Variants in XPC observed in about 807,000 individuals in gnomAD.
XPC encodes the protein DNA repair protein complementing XP-C cells.
In XPC, 76 loss-of-function variants were observed where a neutral mutation model predicts 95.8. That is an observed-to-expected ratio of 0.79 (90% CI 0.66 to 0.96). XPC has a LOEUF of 0.96. Among genes scored for constraint, XPC ranks in the 40% least tolerant of loss-of-function variants. The pLI, the probability that XPC is intolerant of heterozygous loss-of-function variation, is 0.00. For synonymous variants in XPC, 442 were observed against 442.1 expected, an observed-to-expected ratio of 1.00 and a Z score of 0.00; for missense variants, 1,146 against 1,179.8, an observed-to-expected ratio of 0.97 and a Z score of 0.42.
chr3:14,148,954 C>A lies in XPC; in HGVS notation c.2116-6G>T, dbSNP rs1280516675. 2.5e-6 allele frequency: 4 copies of A among 1,613,814 alleles called. No homozygotes were observed. Among genetic ancestry groups the A allele is most frequent in the East Asian group, 2.2e-5 (1 of 44,902 alleles). On this transcript the variant is annotated splice_polypyrimidine_tract_variant and splice_region_variant and intron_variant, in intron 11 of 15. Transcript: ENST00000285021. ...TTAGAAAAGCCTTTCACCATCTGCA[C>A]CAGAGGACACGGCCACCGTTTACAA... is the stretch of plus-strand genomic sequence containing the variant.
chr3:14,158,800 CTTTGG>C lies in XPC; in HGVS notation c.1078_1082del (p.Pro360AspfsTer13). 1 of 1,613,920 alleles carries C rather than the reference CTTTGG, an allele frequency of 6.2e-7. No homozygotes were observed. The highest frequency in any genetic ancestry group is 8.5e-7 in the Non-Finnish European group (1 of 1,179,884). On this transcript the variant is annotated frameshift_variant, in exon 9 of 16. Transcript: ENST00000285021. LOFTEE classifies it high-confidence loss of function. This position sits in a 1 kb window ranked among gnomAD's most constrained non-coding sequence, Gnocchi z 5.2. ...CCTCTTGTTTGGTTCCTTTGCTGGT[CTTTGG>C]TTTGGTGTGGTTTTCTAGAACTTGG...
At position 14,145,791 on chromosome 3, in the gene XPC, TC is replaced by T; in HGVS notation, c.*149del. On this transcript the variant is annotated 3_prime_UTR_variant, in exon 16 of 16. Coordinates refer to ENST00000285021, the MANE Select transcript of XPC (RefSeq NM_004628.5). ...AGCACCTCCTCAGCTTGGCCTCGTC[TC>T]CCCTGACCCCGCCTCCGTGCATGCT... 1 of 977,688 alleles carries T rather than the reference TC, an allele frequency of 1.0e-6. No individual in the cohort carries two copies. Among genetic ancestry groups the T allele is most frequent in the Non-Finnish European group, 1.6e-6 (1 of 637,430 alleles). 60.6% of individuals were successfully genotyped at this position (977,688 alleles called of 1,614,324 possible).
At chr3:14,163,673 G>A (rs942788872) in intron 7 of XPC, among the ~76,000 whole-genome samples, 1 of 152,292 alleles carries the variant, frequency 6.6e-6, no homozygotes. Flanking sequence ...TGGAAATAGA[G>A]GTGGTAGTTG....
At chr3:14,161,541 T>G (rs1396589395) in intron 7 of XPC, among the ~76,000 whole-genome samples, 3 of 146,928 alleles carry the variant, frequency 2.0e-5, no homozygotes, top group Non-Finnish European at 3.0e-5. Flanking sequence ...TAAATATACA[T>G]TAATAGAATG....
At position 14,145,991 on chromosome 3, in the gene XPC, T is replaced by A. The variant is rs2125004659; in HGVS notation, c.2773A>T (p.Arg925Trp). 2 of 1,609,762 alleles carry A rather than the reference T, an allele frequency of 1.2e-6. No homozygotes were observed. The highest frequency in any genetic ancestry group is 1.1e-5 in the South Asian group (1 of 90,890). Reference sequence around the variant, plus strand: ...TGGGAAGCTGCTGCTTTCTTTTCCCTTTTGGTCTTCTTGGGCCCACCCTTC... The same window carrying A: ...TGGGAAGCTGCTGCTTTCTTTTCCCATTTGGTCTTCTTGGGCCCACCCTTC... Reference protein sequence around the residue: ...KLKGGPKKTKREKKAAASHLF... With the variant: ...KLKGGPKKTKWEKKAAASHLF... The change falls in exon 16 of 16, where the codon AGG becomes TGG. Residue 925 changes from arginine to tryptophan, a missense_variant. Arg to Trp is a moderately radical substitution (Grantham distance 101, BLOSUM62 -3). Coordinates refer to ENST00000285021, the MANE Select transcript of XPC (RefSeq NM_004628.5).
At chr3:14,177,147 G>GC (rs1306896905) in intron 1 of XPC, among the ~76,000 whole-genome samples, 1 of 152,050 alleles carries the variant, frequency 6.6e-6, no homozygotes. Flanking sequence ...CACGGGCCCT[G>GC]CATCCACAGA....
At chr3:14,163,055 A>G (rs1435260337) in intron 7 of XPC, among the ~76,000 whole-genome samples, 1 of 152,226 alleles carries the variant, frequency 6.6e-6, no homozygotes, top group Non-Finnish European at 1.5e-5. Flanking sequence ...CAAAACCACA[A>G]TGAGGTATCA....
intron 8 of XPC, 118 bp downstream of exon 8, chr3:14,159,623 G>T: frequency 1.9e-6 from 2 of 1,079,514 alleles, no homozygotes; most frequent in Non-Finnish European, 2.7e-6. Context: ...TGCAAGGCTC[G>T]AAAGAACCCA....
chr3:14,156,573 T>C, intron 9 of XPC, 78 bp from the exon 10 acceptor site: 1 of 1,594,760 alleles, frequency 6.3e-7, no homozygotes, highest in Non-Finnish European at 8.6e-7. Context: ...ATCCTTAGAC[T>C]AACTTGTTCT....
At chr3:14,148,406 G>T in intron 13 of XPC, 156 bp downstream of exon 13, 1 of 1,021,278 alleles carries the variant, frequency 9.8e-7, no homozygotes, top group Non-Finnish European at 1.4e-6. Context: ...GCCAGAATTG[G>T]TAAAGCACTG....
Position 14,145,648 on chromosome 3 carries a change from G to A in XPC, c.*293C>T, listed in dbSNP as rs1187759708. 3 of 699,372 alleles carry A rather than the reference G, an allele frequency of 4.3e-6. No homozygotes were observed. Among genetic ancestry groups the A allele is most frequent in the South Asian group, 3.0e-5 (2 of 66,666 alleles). The allele number at this position is 699,372 out of a possible 1,614,324, so 43.3% of individuals were successfully genotyped here. A position where few individuals can be genotyped will look rare whatever the true frequency, so the allele number is the denominator to read the frequency against. ...GAAAGAACAGGTCTAGGAGGCAGAA[G>A]AGTATCTCCTAGCAAAGTGTTCTGT... On this transcript the variant is annotated 3_prime_UTR_variant, in exon 16 of 16. Transcript: ENST00000285021.
At chr3:14,172,159 CT>C (rs1435075419) in intron 2 of XPC, among the ~76,000 whole-genome samples, 1 of 152,106 alleles carries the variant, frequency 6.6e-6, no homozygotes, top group Non-Finnish European at 1.5e-5. Context: ...TGCAAAAATA[CT>C]TGTTCAGTTT....
In XPC at chr3:14,159,736, C is replaced by T; in HGVS notation, c.990+5G>A. On this transcript the variant is annotated splice_donor_5th_base_variant and intron_variant, in intron 8 of 15. Transcript: ENST00000285021. ...CCTCTTCTCTGGCAGCCCTGCGCAC[C>T]TCACCTTTGCTGTTGCTGACTTCAG... The T allele has an allele frequency of 1.3e-6, 2 of 1,558,634 alleles. No individual in the cohort carries two copies. Among genetic ancestry groups the T allele is most frequent in the Non-Finnish European group, 1.7e-6 (2 of 1,150,770 alleles).
intron 1 of XPC, 87 bp from the exon 2 acceptor site, chr3:14,173,149 A>G: frequency 7.6e-7 from 1 of 1,324,388 alleles, no homozygotes; most frequent in African/African-American, 1.5e-5. Context: ...AAACGGCTCT[A>G]TGACCTGTCT....
chr3:14,175,158 T>A (rs542912509), intron 1 of XPC, among the ~76,000 whole-genome samples: 1 of 152,236 alleles, frequency 6.6e-6, no homozygotes, highest in East Asian at 1.9e-4. Flanking sequence ...ACTGGCCAAG[T>A]TCATTCCCTC....
chr3:14,178,050 CA>C (rs1417353043), intron 1 of XPC, among the ~76,000 whole-genome samples: 21 of 152,244 alleles, frequency 1.4e-4, no homozygotes, highest in Non-Finnish European at 2.8e-4. Context: ...GAGGGGAAGT[CA>C]GGTGGGATCC....
chr3:14,170,313 T>C (rs1696556916), intron 3 of XPC, 125 bp downstream of exon 3: 4 of 881,006 alleles, frequency 4.5e-6, no homozygotes, highest in Non-Finnish European at 7.1e-6. Flanking sequence ...AGTACAACCT[T>C]ATCTGTGGTC....
At chr3:14,160,493 A>G (rs1176327797) in intron 7 of XPC, among the ~76,000 whole-genome samples, 2 of 152,208 alleles carry the variant, frequency 1.3e-5, no homozygotes, top group Non-Finnish European at 2.9e-5. Context: ...CTCCTTGATT[A>G]CTGCCACAGC....
chr3:14,154,310 A>G (rs1559372585), intron 10 of XPC, among the ~76,000 whole-genome samples: 1 of 152,186 alleles, frequency 6.6e-6, no homozygotes, highest in Non-Finnish European at 1.5e-5. Context: ...ACAAACAAAC[A>G]AAAACTGAAA....
Sources: allele counts gnomAD v4.1 joint callset (sites outside exome capture counted in the v4.1 genomes callset), GRCh38; gene constraint gnomAD v4.1.1; non-coding constraint Gnocchi (gnomAD v3.1); transcripts MANE v1.5; gene names NCBI Gene and HGNC (gene_info 2026-07-23, HGNC 2026-07-21).